Variants in SLC35A3 observed in about 807,000 individuals in gnomAD.
SLC35A3 encodes solute carrier family 35 member A3, also known as UDP-N-acetylglucosamine transporter.
In SLC35A3, 26 loss-of-function variants were observed where a neutral mutation model predicts 39.0. That is an observed-to-expected ratio of 0.67 (90% CI 0.49 to 0.92). The LOEUF (loss-of-function observed/expected upper bound fraction) is 0.92, where lower values mean the gene tolerates loss of function less well. SLC35A3 is among the 40% of genes least tolerant of loss of function. The probability of loss-of-function intolerance (pLI) is 0.00; values close to 1 mark genes in which losing one functional copy is unlikely to be tolerated. For missense variants in SLC35A3, 299 were observed against 371.6 expected (o/e 0.80, Z 1.61); for synonymous variants, 135 against 133.1 (o/e 1.01, Z -0.10).
intron 7 of SLC35A3, among the ~76,000 whole-genome samples, chr1:100,018,499 A>G (rs180719433): frequency 1.2e-4 from 18 of 152,204 alleles, no homozygotes; most frequent in African/African-American, 4.3e-4. Flanking sequence ...GAATCTCCCA[A>G]GAATCTTTTA....
At chr1:99,980,658 T>C (rs896210592) in intron 1 of SLC35A3, among the ~76,000 whole-genome samples, 3 of 152,196 alleles carry the variant, frequency 2.0e-5, no homozygotes, top group Admixed American at 6.5e-5. Flanking sequence ...AATAGTTACC[T>C]GACACCTTGA....
chr1:100,008,627 A>G (rs1015049769), intron 4 of SLC35A3: 1 of 152,222 alleles, frequency 6.6e-6, no homozygotes, highest in South Asian at 2.1e-4. Context: ...GCATTTATCC[A>G]TTCTTTCTCT....
intron 3 of SLC35A3, among the ~76,000 whole-genome samples, chr1:100,005,752 T>C (rs960298739): frequency 4.7e-4 from 71 of 152,348 alleles, no homozygotes; most frequent in African/African-American, 1.7e-3. Flanking sequence ...TGTTCTCCTA[T>C]TTTGTTTATA....
intron 1 of SLC35A3, among the ~76,000 whole-genome samples, chr1:99,984,845 G>A (rs1030175099): frequency 5.9e-5 from 9 of 152,118 alleles, no homozygotes; most frequent in African/African-American, 2.2e-4. Context: ...GTGATATTGG[G>A]CATTTTTTCA....
Position 100,015,434 on chromosome 1 carries a change from A to C in SLC35A3, c.753+14A>C, listed in dbSNP as rs1660029091. 1 of 1,592,508 alleles carries C rather than the reference A, an allele frequency of 6.3e-7. No individual in the cohort carries two copies. The highest frequency in any genetic ancestry group is 1.4e-5 in the African/African-American group (1 of 73,536). ...GTTGTTCTTCAGGTAAAGCATTTAA[A>C]GTCTTAGATTTAATGCTAATAAACT... On this transcript the variant is annotated intron_variant, in intron 6 of 7. Transcript: ENST00000533028.
intron 4 of SLC35A3, 175 bp downstream of exon 4, chr1:100,007,331 G>A: frequency 1.9e-6 from 1 of 527,252 alleles, no homozygotes; most frequent in Non-Finnish European, 3.3e-6. Flanking sequence ...GGGAGTGTAA[G>A]TAATACAGAG....
intron 7 of SLC35A3, among the ~76,000 whole-genome samples, chr1:100,019,767 C>A (rs1660405709): frequency 6.6e-6 from 1 of 152,186 alleles, no homozygotes; most frequent in Non-Finnish European, 1.5e-5. Flanking sequence ...TCATATCTGT[C>A]TTCTCTAGGA....
chr1:100,007,434 T>C, intron 4 of SLC35A3: 2 of 229,540 alleles, frequency 8.7e-6, no homozygotes, highest in Non-Finnish European at 1.7e-5. Context: ...TGATTTTTGC[T>C]GGATATCTGT....
chr1:99,971,558 C>T (rs1272733873), intron 1 of SLC35A3, among the ~76,000 whole-genome samples: 1 of 152,194 alleles, frequency 6.6e-6, no homozygotes, highest in African/African-American at 2.4e-5. Flanking sequence ...CCACCCACCT[C>T]GGCCTCTCAA....
rs1243843056 is a variant in SLC35A3 at position 100,031,631 on chromosome 1, CTG to C, written c.*9159_*9160del. The C allele has an allele frequency of 1.3e-5, 2 of 152,208 alleles. No homozygotes were observed. The highest frequency in any genetic ancestry group is 3.9e-4 in the East Asian group (2 of 5,180). The allele number at this position is 152,208 out of a possible 1,614,324, so 9.4% of individuals were successfully genotyped here. A position where few individuals can be genotyped will look rare whatever the true frequency, so the allele number is the denominator to read the frequency against. Reference sequence around the variant, plus strand: ...GGTGGGTTTCACATCCTGCAAATAACTGTGTTTTCCATCTGCATTTGGCTGAA... The same window carrying C: ...GGTGGGTTTCACATCCTGCAAATAACTGTTTTCCATCTGCATTTGGCTGAA... On this transcript the variant is annotated 3_prime_UTR_variant, in exon 8 of 8. Coordinates refer to ENST00000533028, the MANE Select transcript of SLC35A3 (RefSeq NM_012243.3).
In SLC35A3 at chr1:100,015,407, T is replaced by C; in HGVS notation, c.740T>C (p.Val247Ala). The C allele has an allele frequency of 6.2e-7, 1 of 1,605,110 alleles. No individual in the cohort carries two copies. The highest frequency in any genetic ancestry group is 8.5e-7 in the Non-Finnish European group (1 of 1,177,424). ...FQGYNRLTWI[V>A]VVLQALGGLV... ...GGATATAACCGACTGACCTGGATAG[T>C]AGTTGTTCTTCAGGTAAAGCATTTA... The change falls in exon 6 of 8, where the codon GTA becomes GCA. Residue 247 changes from valine to alanine, a missense_variant. Transcript: ENST00000533028.
chr1:100,018,572 C>T (rs1250614763), intron 7 of SLC35A3, among the ~76,000 whole-genome samples: 1 of 152,004 alleles, frequency 6.6e-6, no homozygotes, highest in Non-Finnish European at 1.5e-5. Context: ...GTTTGTCACC[C>T]AGGTTGCAGT....
chr1:100,017,672 A>C lies in SLC35A3; in HGVS notation c.754-10A>C. On this transcript the variant is annotated splice_polypyrimidine_tract_variant and intron_variant, in intron 6 of 7. Coordinates refer to ENST00000533028, the MANE Select transcript of SLC35A3 (RefSeq NM_012243.3). The stretch of plus-strand genomic sequence containing the variant: ...TGTGTGTTTTAAAAAATATTTTTTT[A>C]AAACTTCAGGCACTTGGAGGCCTTG... 1 of 1,500,728 alleles carries C rather than the reference A, an allele frequency of 6.7e-7. No homozygotes were observed. The allele number at this position is 1,500,728 out of a possible 1,614,324, so 93.0% of individuals were successfully genotyped here.
rs2101133371 is a variant in SLC35A3, at chr1:99,993,623, A to T, written c.69A>T (p.Thr23=). 6.2e-7 allele frequency: 1 copy of T among 1,614,038 alleles called. No homozygotes were observed. The highest frequency in any genetic ancestry group is 2.2e-5 in the East Asian group (1 of 44,848). ...LVFQTTSLVL[T]MRYSRTLKEE... ...TTCAGACTACCAGTTTGGTTCTAAC[A>T]ATGCGTTATTCCAGAACTTTAAAAG... Residue 23 remains threonine, a synonymous_variant, in exon 2 of 8, where the codon ACA becomes ACT. Transcript: ENST00000533028.
chr1:99,977,773 A>C (rs539935476), intron 1 of SLC35A3, among the ~76,000 whole-genome samples: 1 of 152,290 alleles, frequency 6.6e-6, no homozygotes, highest in East Asian at 1.9e-4. Flanking sequence ...TCCTGGGCTC[A>C]AGGGATCCTC....
At position 100,019,500 on chromosome 1, in the gene SLC35A3, CTTT is replaced by C. The variant is rs1258191120; in HGVS notation, c.887+1686_887+1688del. Among the ~76,000 whole-genome samples the C allele has an allele frequency of 2.0e-5, 3 of 152,164 alleles. No individual in the cohort carries two copies. The East Asian group carries it at 5.8e-4, about 29-fold the overall frequency. On this transcript the variant is annotated intron_variant, in intron 7 of 7. Transcript: ENST00000533028. ...TAAAATAGGTAACTAAGCCCTCTAT[CTTT>C]ATGCATCTTACCTTTGTGGAGAATA...
intron 3 of SLC35A3, among the ~76,000 whole-genome samples, chr1:100,002,780 TA>T (rs1658899050): frequency 7.1e-6 from 1 of 140,704 alleles, no homozygotes; most frequent in East Asian, 2.0e-4. Flanking sequence ...CCATGCCGGT[TA>T]ATTTTTTTTT....
At position 100,033,788 on chromosome 1, in the gene SLC35A3, T is replaced by G. The variant is rs1474583297; in HGVS notation, c.*11312T>G. 4 of 152,204 alleles carry G rather than the reference T, an allele frequency of 2.6e-5. No homozygotes were observed. Among genetic ancestry groups the G allele is most frequent in the African/African-American group, 7.2e-5 (3 of 41,452 alleles). The allele number at this position is 152,204 out of a possible 1,614,324, so 9.4% of individuals were successfully genotyped here. A position where few individuals can be genotyped will look rare whatever the true frequency, so the allele number is the denominator to read the frequency against. On this transcript the variant is annotated 3_prime_UTR_variant, in exon 8 of 8. Coordinates refer to ENST00000533028, the MANE Select transcript of SLC35A3 (RefSeq NM_012243.3). ...TAGAACATATAATATTTACACACTA[T>G]TTTCCCATCCTAATCCCCACCTTTG...
At chr1:99,999,536 C>T in intron 3 of SLC35A3, 121 bp downstream of exon 3, 1 of 579,288 alleles carries the variant, frequency 1.7e-6, no homozygotes. Flanking sequence ...ATGATCAAAT[C>T]AGGGTATTTA....
Sources: gnomAD v4.1 joint callset for allele counts (sites outside exome capture counted in the v4.1 genomes callset) on GRCh38, gnomAD v4.1.1 for gene constraint, MANE v1.5 for transcripts, NCBI Gene and HGNC (gene_info 2026-07-23, HGNC 2026-07-21) for gene names.